Variants in LYPD6B observed in about 807,000 individuals in gnomAD.
The protein encoded by LYPD6B is LY6/PLAUR domain containing 6B.
In LYPD6B, 17 loss-of-function variants were observed where a neutral mutation model predicts 22.8. The ratio of observed to expected loss-of-function variants is 0.75; its 90% CI spans 0.51 to 1.12. The LOEUF (loss-of-function observed/expected upper bound fraction) is 1.12. LYPD6B is among the 50% of genes most tolerant of loss of function. LYPD6B has a pLI of 0.00. For missense variants in LYPD6B, 221 were observed against 258.3 expected, an observed-to-expected ratio of 0.86 and a Z score of 0.99; for synonymous variants, 106 against 91.6, an observed-to-expected ratio of 1.16 and a Z score of -0.90.
At chr2:149,202,683 A>C (rs1693245078) in intron 3 of LYPD6B, among the ~76,000 whole-genome samples, 1 of 152,210 alleles carries the variant, frequency 6.6e-6, no homozygotes, top group South Asian at 2.1e-4. Flanking sequence ...GTCAGCGATA[A>C]CAATAACTTG....
At chr2:149,157,357 C>G (rs963909030) in intron 2 of LYPD6B, among the ~76,000 whole-genome samples, 2 of 150,348 alleles carry the variant, frequency 1.3e-5, no homozygotes, top group African/African-American at 4.8e-5. Flanking sequence ...ACTTAATTCT[C>G]TATAGTTTTC....
intron 1 of LYPD6B, among the ~76,000 whole-genome samples, chr2:149,103,961 A>G (rs968293640): frequency 2.1e-4 from 32 of 151,634 alleles, no homozygotes; most frequent in Admixed American, 2.6e-4. Context: ...TATTTTTGTT[A>G]GAGATGGGGT....
chr2:149,155,938 C>T (rs1050436832), intron 2 of LYPD6B, among the ~76,000 whole-genome samples: 2 of 152,276 alleles, frequency 1.3e-5, no homozygotes, highest in East Asian at 3.9e-4. Flanking sequence ...AACTGGAAGT[C>T]TTTTTGTTGC....
chr2:149,106,983 G>A (rs188317687), intron 1 of LYPD6B, among the ~76,000 whole-genome samples: 14 of 151,942 alleles, frequency 9.2e-5, no homozygotes, highest in African/African-American at 2.2e-4. Flanking sequence ...TGGATAGTGC[G>A]GAACCCTATA....
chr2:149,212,136 G>C (rs1293829313), intron 5 of LYPD6B, among the ~76,000 whole-genome samples: 3 of 151,910 alleles, frequency 2.0e-5, no homozygotes, highest in Non-Finnish European at 2.9e-5. Context: ...CCAGCACTTT[G>C]GGAGGCCGAG....
intron 1 of LYPD6B, among the ~76,000 whole-genome samples, chr2:149,062,573 C>T (rs1393733845): frequency 3.3e-5 from 5 of 152,208 alleles, no homozygotes; most frequent in African/African-American, 9.6e-5. Flanking sequence ...TAAAATCAAG[C>T]CAAATGTATA....
chr2:149,201,217 G>A (rs1024395944), intron 3 of LYPD6B, among the ~76,000 whole-genome samples: 3 of 152,174 alleles, frequency 2.0e-5, no homozygotes, highest in Non-Finnish European at 4.4e-5. Flanking sequence ...ACTCCACCCA[G>A]AGGGAAAACA....
intron 3 of LYPD6B, among the ~76,000 whole-genome samples, chr2:149,172,407 C>T (rs531173927): frequency 7.9e-5 from 12 of 152,182 alleles, no homozygotes; most frequent in Admixed American, 7.2e-4. Context: ...CTCCTTCAGA[C>T]CAGTCATCAT....
chr2:149,118,052 C>A (rs1435487657), intron 1 of LYPD6B: 4 of 152,198 alleles, frequency 2.6e-5, no homozygotes, highest in African/African-American at 7.2e-5. Flanking sequence ...GCTTGGCTTT[C>A]CCCAGAGCAA....
chr2:149,069,271 C>A (rs1382626597), intron 1 of LYPD6B, among the ~76,000 whole-genome samples: 2 of 152,024 alleles, frequency 1.3e-5, no homozygotes, highest in Non-Finnish European at 2.9e-5. Context: ...TTTTTCTTAT[C>A]ATTACACAAA....
chr2:149,137,697 T>C (rs1294032648), intron 2 of LYPD6B, among the ~76,000 whole-genome samples: 4 of 152,166 alleles, frequency 2.6e-5, no homozygotes, highest in Non-Finnish European at 5.9e-5. Context: ...TTAGTAGACA[T>C]TTAGATTGTT....
intron 3 of LYPD6B, among the ~76,000 whole-genome samples, chr2:149,168,202 G>T (rs1219935869): frequency 8.0e-6 from 1 of 125,244 alleles, no homozygotes; most frequent in Admixed American, 9.3e-5. Context: ...ACAGAGTGAG[G>T]CTCTGTCTCA....
chr2:149,152,528 T>C (rs1689445451), intron 2 of LYPD6B, among the ~76,000 whole-genome samples: 1 of 152,220 alleles, frequency 6.6e-6, no homozygotes, highest in African/African-American at 2.4e-5. Context: ...ACTGGGAAGT[T>C]ACAGACGTAG....
intron 5 of LYPD6B, among the ~76,000 whole-genome samples, chr2:149,212,098 C>G (rs1693888829): frequency 6.6e-6 from 1 of 151,524 alleles, no homozygotes. Flanking sequence ...GTTGGTGCAG[C>G]CGGGCGCGGT....
intron 1 of LYPD6B, among the ~76,000 whole-genome samples, chr2:149,061,827 TA>T (rs1027992261): frequency 5.3e-5 from 8 of 152,186 alleles, no homozygotes; most frequent in African/African-American, 1.9e-4. Flanking sequence ...AAGTACATTA[TA>T]AAAGTAAGCA....
In LYPD6B at chr2:149,177,861, T is replaced by G. The variant is rs546926939; in HGVS notation, c.77+17026T>G. On this transcript the variant is annotated intron_variant, in intron 3 of 6. Transcript: ENST00000409642. ...TTTTTTTTTTTTTTTTTTGTACTAT[T>G]GAAAGTGAATAGAACTGGAAGTAAG... Among the ~76,000 whole-genome samples the G allele has an allele frequency of 5.8e-4, 88 of 151,352 alleles. 1 individual carries two copies. The highest frequency in any genetic ancestry group is 3.5e-3 in the Admixed American group (53 of 15,180).
At chr2:149,097,582 C>T (rs1044276803) in intron 1 of LYPD6B, among the ~76,000 whole-genome samples, 2 of 152,286 alleles carry the variant, frequency 1.3e-5, no homozygotes, top group African/African-American at 2.4e-5. Context: ...CAGTCTCAGC[C>T]AGGTAGGAGT....
chr2:149,199,565 A>G (rs760943665), intron 3 of LYPD6B, among the ~76,000 whole-genome samples: 1 of 152,120 alleles, frequency 6.6e-6, no homozygotes, highest in African/African-American at 2.4e-5. Context: ...ATTTTTTCCT[A>G]TTGAATGTTG....
chr2:149,153,855 G>A (rs144513796), intron 2 of LYPD6B, among the ~76,000 whole-genome samples: 18 of 152,220 alleles, frequency 1.2e-4, no homozygotes, highest in African/African-American at 4.3e-4. Context: ...CGTGACGGCA[G>A]GCATGGAAAA....
Sources: allele counts gnomAD v4.1 joint callset (sites outside exome capture counted in the v4.1 genomes callset), GRCh38; gene constraint gnomAD v4.1.1; transcripts MANE v1.5; gene names NCBI Gene and HGNC (gene_info 2026-07-23, HGNC 2026-07-21).